Variants in MTSS1 observed in about 807,000 individuals in gnomAD.
MTSS1 encodes protein MTSS 1.
In MTSS1, 18 loss-of-function variants were observed where a neutral mutation model predicts 79.0. The observed-to-expected ratio is 0.23, with a 90% CI of 0.16 to 0.34. MTSS1 has a LOEUF of 0.34. Ranked by LOEUF, MTSS1 falls within the 10% of genes least tolerant of loss-of-function variation. MTSS1 has a pLI of 1.00. For missense variants in MTSS1, 815 were observed against 986.2 expected (o/e 0.83, Z 2.33); for synonymous variants, 341 against 368.6 (o/e 0.93, Z 0.86).
chr8:124,720,716 G>A (rs911435847), intron 1 of MTSS1, among the ~76,000 whole-genome samples: 6 of 152,178 alleles, frequency 3.9e-5, no homozygotes, highest in Admixed American at 2.0e-4. Flanking sequence ...CATAAGGGTG[G>A]GGCAGTGTCT....
At chr8:124,607,841 C>A (rs1563848389) in intron 3 of MTSS1, among the ~76,000 whole-genome samples, 1 of 151,994 alleles carries the variant, frequency 6.6e-6, no homozygotes, top group Non-Finnish European at 1.5e-5. Context: ...TAAAAATGAC[C>A]CCAGGTTAAC....
chr8:124,644,072 A>C (rs1429334570), intron 3 of MTSS1, among the ~76,000 whole-genome samples: 2 of 152,118 alleles, frequency 1.3e-5, no homozygotes, highest in Admixed American at 1.3e-4. Flanking sequence ...AAAGAATAGG[A>C]TTCCCTTTAG....
chr8:124,674,589 C>T (rs1183691854), intron 3 of MTSS1, among the ~76,000 whole-genome samples: 1 of 152,144 alleles, frequency 6.6e-6, no homozygotes, highest in Non-Finnish European at 1.5e-5. Context: ...AGGGATCCGC[C>T]CCCCTCGGCC....
intron 6 of MTSS1, among the ~76,000 whole-genome samples, chr8:124,572,893 T>C (rs1285241190): frequency 1.3e-5 from 2 of 150,876 alleles, no homozygotes; most frequent in Non-Finnish European, 3.0e-5. Flanking sequence ...ATTACAGGCA[T>C]GTACCACCAT....
At chr8:124,689,944 A>G (rs1827669428) in intron 3 of MTSS1, among the ~76,000 whole-genome samples, 1 of 152,130 alleles carries the variant, frequency 6.6e-6, no homozygotes, top group Non-Finnish European at 1.5e-5. Context: ...TAGGATGGAA[A>G]GAGGTGGGGG....
chr8:124,716,774 C>A (rs1047533440), intron 1 of MTSS1, among the ~76,000 whole-genome samples: 16 of 152,124 alleles, frequency 1.1e-4, no homozygotes, highest in Non-Finnish European at 4.4e-5. Context: ...AGCTAGGTCC[C>A]AGTGTCCACA....
chr8:124,652,539 G>A (rs574866453), intron 3 of MTSS1, among the ~76,000 whole-genome samples: 3 of 147,890 alleles, frequency 2.0e-5, no homozygotes, highest in South Asian at 2.4e-4. Flanking sequence ...CACATGAGTC[G>A]TTTAAAAATT....
chr8:124,575,453 C>T (rs1021214295), intron 6 of MTSS1, among the ~76,000 whole-genome samples: 1 of 152,174 alleles, frequency 6.6e-6, no homozygotes, highest in Non-Finnish European at 1.5e-5. Context: ...GAACAACGCC[C>T]GGCACGTGCT....
chr8:124,707,365 G>A lies in MTSS1; in HGVS notation c.73-3174C>T, dbSNP rs2135524706. Among the ~76,000 whole-genome samples the A allele has an allele frequency of 2.0e-5, 3 of 150,824 alleles. 1 individual carries two copies. The South Asian group carries it at 6.3e-4, about 32-fold the overall frequency. ...AGTTCAAGACCAGCCCAGACAACAT[G>A]GCGAGACCCCATTTCTACTAAAAAT... On this transcript the variant is annotated intron_variant, in intron 1 of 13. Transcript: ENST00000518547.
chr8:124,678,694 GT>G (rs1463763922), intron 3 of MTSS1, among the ~76,000 whole-genome samples: 2 of 152,186 alleles, frequency 1.3e-5, no homozygotes, highest in Admixed American at 6.5e-5. Context: ...AGGAGCTACA[GT>G]TCAAGATGAG....
At chr8:124,618,228 G>A (rs759271581) in intron 3 of MTSS1, among the ~76,000 whole-genome samples, 15 of 152,060 alleles carry the variant, frequency 9.9e-5, no homozygotes, top group African/African-American at 1.7e-4. Flanking sequence ...AATCTCTTAG[G>A]CTGCTGCTGC....
intron 3 of MTSS1, among the ~76,000 whole-genome samples, chr8:124,676,018 T>G (rs907448723): frequency 6.6e-6 from 1 of 152,238 alleles, no homozygotes; most frequent in Non-Finnish European, 1.5e-5. Context: ...AGGTAGACCC[T>G]GGTCATATGA....
chr8:124,680,463 G>C (rs1240760816), intron 3 of MTSS1, among the ~76,000 whole-genome samples: 1 of 152,162 alleles, frequency 6.6e-6, no homozygotes, highest in Non-Finnish European at 1.5e-5. Context: ...GAGTCCCAGG[G>C]GAGAGCACAC....
At chr8:124,575,454 G>A (rs529283103) in intron 6 of MTSS1, among the ~76,000 whole-genome samples, 9 of 152,280 alleles carry the variant, frequency 5.9e-5, no homozygotes, top group South Asian at 2.1e-4. Context: ...AACAACGCCC[G>A]GCACGTGCTG....
At chr8:124,650,282 G>A (rs1284956608) in intron 3 of MTSS1, among the ~76,000 whole-genome samples, 1 of 152,092 alleles carries the variant, frequency 6.6e-6, no homozygotes, top group Non-Finnish European at 1.5e-5. Flanking sequence ...GCTTGCCTCG[G>A]CCTCCCAAAG....
At chr8:124,605,615 T>TG (rs775834678) in intron 3 of MTSS1, among the ~76,000 whole-genome samples, 16 of 145,422 alleles carry the variant, frequency 1.1e-4, no homozygotes, top group African/African-American at 2.8e-4. Flanking sequence ...GCCCTCGCGC[T>TG]GCCTCCCTCC....
Position 124,704,186 on chromosome 8 carries a change from G to A in MTSS1, c.78C>T (p.Ser26=). The part of the protein sequence containing the change: ...FQTIISDMKG[S]YPVWEDFINK... ...TTATGAAATCTTCCCAAACTGGATA[G>A]CTCCCCTGCAACACATCAAAGACAT... Residue 26 remains serine (S), a synonymous_variant, in exon 2 of 14, where the codon AGC becomes AGT. Coordinates refer to ENST00000518547, the MANE Select transcript of MTSS1 (RefSeq NM_014751.6). The A allele has an allele frequency of 6.2e-7, 1 of 1,613,834 alleles. No individual in the cohort carries two copies. Among genetic ancestry groups the A allele is most frequent in the Admixed American group, 1.7e-5 (1 of 60,022 alleles).
At chr8:124,651,621 T>C (rs1326168715) in intron 3 of MTSS1, among the ~76,000 whole-genome samples, 1 of 152,128 alleles carries the variant, frequency 6.6e-6, no homozygotes, top group Non-Finnish European at 1.5e-5. Context: ...TGTGAAAGCA[T>C]TTGCAAGAAA....
At chr8:124,647,443 T>G (rs1819197563) in intron 3 of MTSS1, among the ~76,000 whole-genome samples, 1 of 152,254 alleles carries the variant, frequency 6.6e-6, no homozygotes, top group African/African-American at 2.4e-5. Flanking sequence ...AGATATTTTT[T>G]GTAGTGAGAG....
Sources: gnomAD v4.1 joint callset for allele counts (sites outside exome capture counted in the v4.1 genomes callset) on GRCh38, gnomAD v4.1.1 for gene constraint, MANE v1.5 for transcripts, NCBI Gene and HGNC (gene_info 2026-07-23, HGNC 2026-07-21) for gene names.